CPED1: variants seen among roughly 807,000 people sequenced by gnomAD.
CPED1 encodes the protein cadherin like and PC-esterase domain containing 1.
In CPED1, 114 loss-of-function variants were observed where a neutral mutation model predicts 128.2. The observed-to-expected ratio is 0.89, with a 90% confidence interval of 0.76 to 1.04. The LOEUF is 1.04. CPED1 is among the 50% of genes least tolerant of loss of function. The pLI, the probability that CPED1 is intolerant of heterozygous loss-of-function variation, is 0.00. For missense variants in CPED1, 1,211 were observed against 1,207.1 expected (o/e 1.00, Z -0.05); for synonymous variants, 462 against 426.7 (o/e 1.08, Z -1.02).
chr7:121,208,763 C>T (rs950499039), intron 16 of CPED1, among the ~76,000 whole-genome samples: 1 of 151,962 alleles, frequency 6.6e-6, no homozygotes, highest in African/African-American at 2.4e-5. Flanking sequence ...AGGCGAACTC[C>T]ACAGTGTATG....
rs539717600 is a variant in CPED1, at chr7:121,156,296, A to G, written c.2055+14155A>G. Among the ~76,000 whole-genome samples the G allele has an allele frequency of 5.3e-4, 80 of 150,074 alleles. 1 individual carries two copies. The highest frequency in any genetic ancestry group is 3.0e-4 in the Non-Finnish European group (20 of 67,532). On this transcript the variant is annotated intron_variant, in intron 16 of 22. Coordinates refer to ENST00000310396, the MANE Select transcript of CPED1 (RefSeq NM_024913.5). ...CAGTATGGAGGTTCCTCAAAAAAGT[A>G]AAAATAGAACTACCAGATGATCCAT... is the stretch of plus-strand genomic sequence containing the variant.
In CPED1 at chr7:121,083,969, TC is replaced by T. The variant is rs567797846; in HGVS notation, c.617-13729del. On this transcript the variant is annotated intron_variant, in intron 5 of 22. Coordinates refer to ENST00000310396, the MANE Select transcript of CPED1 (RefSeq NM_024913.5). ...AATGCTGAGTATTATGATTGTTTTT[TC>T]AATAAGTATCTCCAGAACTGTTAGT... Among the ~76,000 whole-genome samples, 214 of 152,370 alleles carry T rather than the reference TC, an allele frequency of 1.4e-3. 1 individual carries two copies. The highest frequency in any genetic ancestry group is 9.3e-3 in the South Asian group (45 of 4,832).
intron 16 of CPED1, among the ~76,000 whole-genome samples, chr7:121,231,569 A>G (rs903197498): frequency 1.3e-5 from 2 of 152,090 alleles, no homozygotes; most frequent in African/African-American, 4.8e-5. Flanking sequence ...TTATCTTTAC[A>G]TTTGTGTGAT....
At chr7:121,098,843 A>G (rs148299725) in intron 6 of CPED1, among the ~76,000 whole-genome samples, 2,500 of 145,748 alleles carry the variant, frequency 0.017, 84 homozygotes, top group African/African-American at 0.059. Flanking sequence ...ATATAAATAT[A>G]TATGTATAAA....
At chr7:120,994,625 C>CTGTGTGTGTGTGTGTGTG (rs35288728) in intron 2 of CPED1, among the ~76,000 whole-genome samples, 120 of 144,654 alleles carry the variant, frequency 8.3e-4, no homozygotes, top group African/African-American at 2.3e-3. Context: ...ATTTGTTATA[C>CTGTGTGTGTGTGTGTGTG]TGTGTGTGTG....
At chr7:121,052,017 T>A (rs1237442178) in intron 4 of CPED1, 2 of 152,500 alleles carry the variant, frequency 1.3e-5, no homozygotes, top group African/African-American at 4.8e-5. Flanking sequence ...AAAAAAAGCT[T>A]TCCCATCTAT....
At chr7:121,173,154 A>G (rs1796693399) in intron 16 of CPED1, among the ~76,000 whole-genome samples, 1 of 152,190 alleles carries the variant, frequency 6.6e-6, no homozygotes, top group Admixed American at 6.5e-5. Flanking sequence ...TAACAAAATA[A>G]TACAAAATAA....
rs552735553 is a variant in CPED1 at position 121,081,025 on chromosome 7, G to A, written c.617-16674G>A. Reference sequence around the variant, plus strand: ...ACCAAAGTGATGCATTAGCTGAAATGCACAGAACTCCATAAATTGTATGGT... The same window carrying A: ...ACCAAAGTGATGCATTAGCTGAAATACACAGAACTCCATAAATTGTATGGT... On this transcript the variant is annotated intron_variant, in intron 5 of 22. Transcript: ENST00000310396. Among the ~76,000 whole-genome samples, 5 of 152,272 alleles carry A rather than the reference G, an allele frequency of 3.3e-5. No individual in the cohort carries two copies. The East Asian group carries it at 9.6e-4, about 29-fold the overall frequency.
chr7:121,197,076 C>T (rs1243875520), intron 16 of CPED1, among the ~76,000 whole-genome samples: 4 of 150,642 alleles, frequency 2.7e-5, no homozygotes, highest in Admixed American at 6.6e-5. Flanking sequence ...GTTTCCAGTT[C>T]GTAGAGCTTT....
chr7:121,249,460 C>T (rs1324317387), intron 18 of CPED1, among the ~76,000 whole-genome samples: 4 of 152,158 alleles, frequency 2.6e-5, no homozygotes, highest in African/African-American at 9.7e-5. Flanking sequence ...GAGGGAACCA[C>T]ATTAGGCTGG....
At chr7:121,034,300 T>G (rs1792826603) in intron 3 of CPED1, among the ~76,000 whole-genome samples, 1 of 135,404 alleles carries the variant, frequency 7.4e-6, no homozygotes, top group South Asian at 2.4e-4. Flanking sequence ...CAGGCTGGAG[T>G]GCAATGGCAT....
intron 3 of CPED1, among the ~76,000 whole-genome samples, chr7:121,019,081 T>G (rs1220602733): frequency 6.6e-6 from 1 of 152,000 alleles, no homozygotes; most frequent in Non-Finnish European, 1.5e-5. Flanking sequence ...TGTATTTGAT[T>G]TAGTTTTCCT....
chr7:121,293,558 A>G (rs1270262067), intron 22 of CPED1, among the ~76,000 whole-genome samples: 1 of 152,144 alleles, frequency 6.6e-6, no homozygotes, highest in Non-Finnish European at 1.5e-5. Flanking sequence ...GGTATGAAAA[A>G]AAAGCCTCCT....
chr7:121,279,124 TC>T (rs1792385765), intron 22 of CPED1, among the ~76,000 whole-genome samples: 1 of 152,152 alleles, frequency 6.6e-6, no homozygotes, highest in Non-Finnish European at 1.5e-5. Flanking sequence ...TGAATACACC[TC>T]CACCTTATGG....
intron 3 of CPED1, among the ~76,000 whole-genome samples, chr7:121,028,079 T>A (rs1792640945): frequency 6.6e-6 from 1 of 152,168 alleles, no homozygotes; most frequent in Non-Finnish European, 1.5e-5. Flanking sequence ...CCTACTGATT[T>A]GCTAGGATGG....
chr7:121,092,711 C>T (rs1023480988), intron 5 of CPED1, among the ~76,000 whole-genome samples: 1 of 152,152 alleles, frequency 6.6e-6, no homozygotes, highest in Non-Finnish European at 1.5e-5. Flanking sequence ...GCTTGTTCAG[C>T]TAAAGCCTCT....
chr7:121,227,405 G>A (rs1353220741), intron 16 of CPED1, among the ~76,000 whole-genome samples: 2 of 152,036 alleles, frequency 1.3e-5, no homozygotes, highest in South Asian at 2.1e-4. Context: ...CTTACATCGT[G>A]GATGGATTTA....
At chr7:121,203,049 GATAA>G (rs1302762661) in intron 16 of CPED1, among the ~76,000 whole-genome samples, 1 of 152,076 alleles carries the variant, frequency 6.6e-6, no homozygotes, top group Non-Finnish European at 1.5e-5. Context: ...CGCAGCCCAT[GATAA>G]ATAAATATGA....
At chr7:121,193,726 G>GGAGGAACTTGAAGTTTTAAAAGGC (rs1347047801) in intron 16 of CPED1, among the ~76,000 whole-genome samples, 2 of 151,988 alleles carry the variant, frequency 1.3e-5, no homozygotes, top group East Asian at 3.9e-4. Flanking sequence ...ACTCTACAGA[G>GGAGGAACTTGAAGTTTTAAAAGGC]GAGGAACTTG....
Sources: gnomAD v4.1 joint callset for allele counts (sites outside exome capture counted in the v4.1 genomes callset) on GRCh38, gnomAD v4.1.1 for gene constraint, MANE v1.5 for transcripts, NCBI Gene and HGNC (gene_info 2026-07-23, HGNC 2026-07-21) for gene names.